Variants in ZMIZ1 observed in about 807,000 individuals in gnomAD.
ZMIZ1 encodes zinc finger MIZ domain-containing protein 1.
ZMIZ1 carries 17 observed loss-of-function variants against 113.9 expected under a neutral mutation model. That is an observed-to-expected ratio of 0.15 (90% CI 0.10 to 0.22). The LOEUF (loss-of-function observed/expected upper bound fraction) is 0.22. ZMIZ1 is among the 10% of genes least tolerant of loss of function. The pLI is 1.00. For synonymous variants in ZMIZ1, 607 were observed against 603.1 expected (o/e 1.01, Z -0.09); for missense variants, 1,059 against 1,477.8 (o/e 0.72, Z 4.65).
chr10:79,097,126 A>G (rs1843193659), intron 1 of ZMIZ1, among the ~76,000 whole-genome samples: 1 of 152,222 alleles, frequency 6.6e-6, no homozygotes, highest in South Asian at 2.1e-4. Flanking sequence ...CAGTGCTGCC[A>G]GCCTGCTGTG....
chr10:79,129,101 G>A (rs7097066), intron 2 of ZMIZ1, among the ~76,000 whole-genome samples: 41,514 of 151,962 alleles, frequency 0.27, 7,203 homozygotes, highest in African/African-American at 0.45. Context: ...TTGTTTAATG[G>A]TTTTTATCAG....
intron 3 of ZMIZ1, among the ~76,000 whole-genome samples, chr10:79,157,769 G>A (rs1845960416): frequency 6.6e-6 from 1 of 152,194 alleles, no homozygotes; most frequent in Admixed American, 6.5e-5. Context: ...GGATAACCAT[G>A]GGGTAAATAT....
Position 79,316,319 on chromosome 10 carries a change from T to G in ZMIZ1, c.*3570T>G, listed in dbSNP as rs1333644305. 1.3e-5 allele frequency: 2 copies of G among 152,726 alleles called. No homozygotes were observed. The highest frequency in any genetic ancestry group is 4.8e-5 in the African/African-American group (2 of 41,456). The allele number at this position is 152,726 out of a possible 1,614,324, so 9.5% of individuals were successfully genotyped here. The stretch of plus-strand genomic sequence containing the variant: ...TCTAGTCTTGCAAAGCTGTATGTAG[T>G]TAGATGATGTGACAACCTCTAATAT... On this transcript the variant is annotated 3_prime_UTR_variant, in exon 25 of 25. Transcript: ENST00000334512.
chr10:79,084,648 C>G (rs1589253322), intron 1 of ZMIZ1, among the ~76,000 whole-genome samples: 1 of 152,202 alleles, frequency 6.6e-6, no homozygotes, highest in African/African-American at 2.4e-5. Flanking sequence ...GTTCTGTATC[C>G]TTGTGCCTCC....
At chr10:79,276,557 T>C (rs1016559716) in intron 7 of ZMIZ1, among the ~76,000 whole-genome samples, 4 of 146,802 alleles carry the variant, frequency 2.7e-5, no homozygotes, top group Non-Finnish European at 6.0e-5. Context: ...TTCCTAGGCA[T>C]TTGTGCCCAG....
intron 7 of ZMIZ1, among the ~76,000 whole-genome samples, chr10:79,255,093 G>T (rs1164889360): frequency 6.6e-6 from 1 of 152,206 alleles, no homozygotes. Context: ...CCCAGCCCAA[G>T]CCGATTCCCT....
At position 79,314,006 on chromosome 10, in the gene ZMIZ1, G is replaced by T. The variant is rs2997468; in HGVS notation, c.*1257G>T. ...TGCACCAGTATGTACCTGCAGGCATGGGGGGGAGGGGGGCGTGTTTCTGGG... is the reference window on the plus strand; with the variant it reads ...TGCACCAGTATGTACCTGCAGGCATTGGGGGGAGGGGGGCGTGTTTCTGGG... On this transcript the variant is annotated 3_prime_UTR_variant, in exon 25 of 25. Transcript: ENST00000334512. 33 of 455,320 alleles carry T rather than the reference G, an allele frequency of 7.2e-5. No individual in the cohort carries two copies. Among genetic ancestry groups the T allele is most frequent in the Non-Finnish European group, 3.5e-5 (8 of 226,518 alleles). The allele number at this position is 455,320 out of a possible 1,614,324, so 28.2% of individuals were successfully genotyped here.
chr10:79,244,442 C>T (rs1343969284), intron 7 of ZMIZ1, among the ~76,000 whole-genome samples: 3 of 152,172 alleles, frequency 2.0e-5, no homozygotes, highest in African/African-American at 4.8e-5. Flanking sequence ...TTGGTGTCTT[C>T]GAAGCCAAGC....
intron 19 of ZMIZ1, among the ~76,000 whole-genome samples, chr10:79,304,785 A>G (rs941796045): frequency 1.3e-5 from 2 of 152,246 alleles, no homozygotes; most frequent in African/African-American, 4.8e-5. Context: ...TATCTGATAC[A>G]GATGGATGAA....
chr10:79,146,685 C>T (rs910096076), intron 3 of ZMIZ1, among the ~76,000 whole-genome samples: 4 of 152,312 alleles, frequency 2.6e-5, no homozygotes, highest in African/African-American at 7.2e-5. Context: ...GTGGGGAGGG[C>T]GGAAGGAAAA....
At chr10:79,158,830 T>C (rs1845998671) in intron 3 of ZMIZ1, among the ~76,000 whole-genome samples, 1 of 152,232 alleles carries the variant, frequency 6.6e-6, no homozygotes, top group Non-Finnish European at 1.5e-5. Context: ...AGACTCAGCC[T>C]TGTCACTTTC....
chr10:79,113,924 A>C (rs1843870515), intron 1 of ZMIZ1, among the ~76,000 whole-genome samples: 1 of 152,264 alleles, frequency 6.6e-6, no homozygotes, highest in South Asian at 2.1e-4. Flanking sequence ...GCTCAATAAA[A>C]GCAGGCTGGA....
chr10:79,226,912 G>A (rs930645588), intron 7 of ZMIZ1, among the ~76,000 whole-genome samples: 1 of 152,172 alleles, frequency 6.6e-6, no homozygotes, highest in African/African-American at 2.4e-5. Flanking sequence ...TTTCAGTCAT[G>A]ATGCAACCAA....
intron 3 of ZMIZ1, among the ~76,000 whole-genome samples, chr10:79,158,191 C>G (rs2132479296): frequency 6.6e-6 from 1 of 152,340 alleles, no homozygotes; most frequent in South Asian, 2.1e-4. Flanking sequence ...TAAGGCCTCA[C>G]AGCTATCAGG....
intron 1 of ZMIZ1, among the ~76,000 whole-genome samples, chr10:79,090,928 A>G (rs1366350628): frequency 6.6e-6 from 1 of 152,100 alleles, no homozygotes; most frequent in Non-Finnish European, 1.5e-5. Context: ...CTTCCTCCCT[A>G]TTGCTGGGGT....
chr10:79,292,317 G>C lies in ZMIZ1; in HGVS notation c.918G>C (p.Leu306=). The C allele has an allele frequency of 6.2e-7, 1 of 1,613,428 alleles. No homozygotes were observed. ...TATATATVAA[L]QETQNKDINQ... ...CAGCCACGGCCACTGTGGCAGCCCT[G>C]CAGGAGACACAGAACAAGGATATAA... Residue 306 remains leucine, a synonymous_variant, in exon 11 of 25, where the codon CTG becomes CTC. Coordinates refer to ENST00000334512, the MANE Select transcript of ZMIZ1 (RefSeq NM_020338.4).
intron 8 of ZMIZ1, among the ~76,000 whole-genome samples, chr10:79,277,671 G>A (rs1267809142): frequency 6.6e-6 from 1 of 152,178 alleles, no homozygotes; most frequent in Non-Finnish European, 1.5e-5. Context: ...GGAAGGCCAC[G>A]GGGTTGGTGG....
chr10:79,202,056 C>CA (rs55985942), intron 5 of ZMIZ1, among the ~76,000 whole-genome samples: 12,102 of 71,764 alleles, frequency 0.17, 1,020 homozygotes, highest in Non-Finnish European at 0.18. Context: ...CAGTCGTTCT[C>CA]AAAAAAAAAA....
chr10:79,229,402 A>G (rs1281404046), intron 7 of ZMIZ1, among the ~76,000 whole-genome samples: 2 of 152,184 alleles, frequency 1.3e-5, no homozygotes, highest in East Asian at 3.8e-4. Context: ...CAGATGCTTC[A>G]TTATATTCCT....
Sources: allele counts gnomAD v4.1 joint callset (sites outside exome capture counted in the v4.1 genomes callset), GRCh38; gene constraint gnomAD v4.1.1; transcripts MANE v1.5; gene names NCBI Gene and HGNC (gene_info 2026-07-23, HGNC 2026-07-21).